TRPM6: variants seen among roughly 807,000 people sequenced by gnomAD.
TRPM6 encodes transient receptor potential cation channel subfamily M member 6.
A neutral mutation model predicts 247.6 loss-of-function variants in TRPM6; 111 were observed. The observed-to-expected ratio is 0.45, with a 90% CI of 0.38 to 0.52. The LOEUF is 0.52. Among genes scored for constraint, TRPM6 ranks in the 20% least tolerant of loss-of-function variants. The probability of loss-of-function intolerance (pLI) is 0.00; values close to 1 mark genes in which losing one functional copy is unlikely to be tolerated. For missense variants in TRPM6, 2,126 were observed against 2,421.5 expected (o/e 0.88, Z 2.56); for synonymous variants, 892 against 853.8 (o/e 1.04, Z -0.78).
At chr9:74,829,253 C>G (rs985083069) in intron 6 of TRPM6, among the ~76,000 whole-genome samples, 15 of 152,118 alleles carry the variant, frequency 9.9e-5, no homozygotes, top group Non-Finnish European at 1.6e-4. Flanking sequence ...GATCTCGCCA[C>G]TGCACTCCAG....
intron 31 of TRPM6, among the ~76,000 whole-genome samples, chr9:74,744,935 T>A (rs901708357): frequency 6.6e-6 from 1 of 152,164 alleles, no homozygotes; most frequent in Non-Finnish European, 1.5e-5. Context: ...TAGGGAGTGT[T>A]GGCAAAAAGT....
intron 37 of TRPM6, among the ~76,000 whole-genome samples, chr9:74,731,284 C>T (rs1468942721): frequency 2.0e-5 from 3 of 152,102 alleles, no homozygotes; most frequent in African/African-American, 4.8e-5. Flanking sequence ...AAAATTTCCA[C>T]TGCAAAATTA....
intron 5 of TRPM6, among the ~76,000 whole-genome samples, chr9:74,838,432 G>T (rs1829800622): frequency 6.6e-6 from 1 of 152,146 alleles, no homozygotes; most frequent in Non-Finnish European, 1.5e-5. Flanking sequence ...CAAATCCCTT[G>T]GTTTTATTTT....
intron 1 of TRPM6, among the ~76,000 whole-genome samples, chr9:74,871,838 C>T (rs945834453): frequency 7.9e-5 from 12 of 151,762 alleles, no homozygotes; most frequent in African/African-American, 2.4e-4. Flanking sequence ...TGCGACCATA[C>T]CCAACTCAGT....
intron 14 of TRPM6, 109 bp from the exon 15 acceptor site, chr9:74,803,995 A>G: frequency 1.3e-6 from 1 of 777,656 alleles, no homozygotes; most frequent in Non-Finnish European, 2.3e-6. Context: ...TTTTATTTCT[A>G]GACAATAATG....
intron 24 of TRPM6, 34 bp downstream of exon 24, chr9:74,775,849 C>T (rs1554695912): frequency 1.2e-6 from 2 of 1,610,130 alleles, no homozygotes; most frequent in East Asian, 2.2e-5. Context: ...CTACTTTTTG[C>T]TCTCTTTCTC....
Position 74,771,843 on chromosome 9 carries a change from A to C in TRPM6, c.3404-8T>G. ...CCTTACTGAGGTAGAGTTCTATAGA[A>C]ATAAGTATGAAACACAGAAAGAATC... On this transcript the variant is annotated splice_polypyrimidine_tract_variant and splice_region_variant and intron_variant, in intron 24 of 38. Coordinates refer to ENST00000360774, the MANE Select transcript of TRPM6 (RefSeq NM_017662.5). 1.2e-6 allele frequency: 2 copies of C among 1,613,278 alleles called. No homozygotes were observed. Among genetic ancestry groups the C allele is most frequent in the Non-Finnish European group, 1.7e-6 (2 of 1,179,446 alleles).
chr9:74,738,371 C>T, intron 36 of TRPM6, 36 bp downstream of exon 36: 1 of 1,610,502 alleles, frequency 6.2e-7, no homozygotes, highest in Non-Finnish European at 8.5e-7. Flanking sequence ...CACTTTGCCT[C>T]ATGCTTGTTG....
At chr9:74,773,304 C>G (rs916767887) in intron 24 of TRPM6, among the ~76,000 whole-genome samples, 1 of 152,178 alleles carries the variant, frequency 6.6e-6, no homozygotes, top group South Asian at 2.1e-4. Context: ...AGAAGGCAGT[C>G]TATTGAAATT....
chr9:74,810,913 T>C (rs759154394), intron 12 of TRPM6, 45 bp from the exon 13 acceptor site: 13 of 1,523,750 alleles, frequency 8.5e-6, no homozygotes, highest in Admixed American at 6.7e-5. Flanking sequence ...TTAATTACCA[T>C]GTGCTGGGGG....
chr9:74,729,729 C>T (rs543671064), intron 37 of TRPM6, among the ~76,000 whole-genome samples: 1 of 152,306 alleles, frequency 6.6e-6, no homozygotes, highest in South Asian at 2.1e-4. Context: ...CAGGATTCTA[C>T]GATGCCAATA....
At chr9:74,820,204 T>C in intron 9 of TRPM6, 100 bp downstream of exon 9, 1 of 1,369,986 alleles carries the variant, frequency 7.3e-7, no homozygotes, top group Non-Finnish European at 1.0e-6. Flanking sequence ...TTCCCCTTCC[T>C]GTGTCCACCA....
chr9:74,741,052 C>T (rs1277167180), intron 33 of TRPM6, among the ~76,000 whole-genome samples: 2 of 152,040 alleles, frequency 1.3e-5, no homozygotes, highest in African/African-American at 4.8e-5. Context: ...TCTCATTGGG[C>T]TGTTGTAAAG....
intron 1 of TRPM6, among the ~76,000 whole-genome samples, chr9:74,882,615 T>A (rs1467386893): frequency 6.6e-6 from 1 of 152,110 alleles, no homozygotes; most frequent in Non-Finnish European, 1.5e-5. Flanking sequence ...AATTAACAAA[T>A]ACTGGCAAGG....
chr9:74,851,761 A>ATAT (rs1424561584), intron 3 of TRPM6, among the ~76,000 whole-genome samples: 10 of 143,292 alleles, frequency 7.0e-5, no homozygotes, highest in African/African-American at 1.8e-4. Context: ...AAAAAAAAAA[A>ATAT]AAATATATAT....
intron 38 of TRPM6, among the ~76,000 whole-genome samples, chr9:74,726,582 C>A (rs1308855173): frequency 6.6e-6 from 1 of 152,198 alleles, no homozygotes; most frequent in African/African-American, 2.4e-5. Flanking sequence ...CTTAATCATA[C>A]AGGACCACTA....
chr9:74,741,165 C>A (rs1194390689), intron 33 of TRPM6, among the ~76,000 whole-genome samples: 1 of 152,156 alleles, frequency 6.6e-6, no homozygotes, highest in East Asian at 1.9e-4. Context: ...TGCTACATAG[C>A]TTCCACTTTT....
chr9:74,733,420 T>C (rs1236963990), intron 36 of TRPM6, among the ~76,000 whole-genome samples: 1 of 152,158 alleles, frequency 6.6e-6, no homozygotes, highest in Non-Finnish European at 1.5e-5. Flanking sequence ...CCTCAAATGA[T>C]TGTTTTAGTG....
intron 9 of TRPM6, among the ~76,000 whole-genome samples, chr9:74,819,865 T>G (rs943077671): frequency 3.3e-5 from 5 of 152,190 alleles, no homozygotes; most frequent in Non-Finnish European, 7.3e-5. Context: ...GTCTAGTATT[T>G]GAAGCATGGA....
Sources: gnomAD v4.1 joint callset for allele counts (sites outside exome capture counted in the v4.1 genomes callset) on GRCh38, gnomAD v4.1.1 for gene constraint, MANE v1.5 for transcripts, NCBI Gene and HGNC (gene_info 2026-07-23, HGNC 2026-07-21) for gene names.